The following CFAP47 variants were observed in gnomAD, a reference collection of about 807,000 sequenced individuals.
CFAP47 encodes cilia- and flagella-associated protein 47.
A neutral mutation model predicts 148.1 loss-of-function variants in CFAP47; 29 were observed. That is an observed-to-expected ratio of 0.20 (90% CI 0.15 to 0.27). The LOEUF (loss-of-function observed/expected upper bound fraction) is 0.27, where lower values mean the gene tolerates loss of function less well. CFAP47 is among the 10% of genes least tolerant of loss of function. The pLI is 1.00. For synonymous variants in CFAP47, 664 were observed against 577.3 expected (o/e 1.15, Z -2.15); for missense variants, 1,872 against 1,697.5 (o/e 1.10, Z -1.81).
intron 30 of CFAP47, among the ~76,000 whole-genome samples, chrX:36,087,206 A>C (rs1388850743): frequency 6.2e-5 from 7 of 112,399 alleles, no homozygotes; most frequent in Non-Finnish European, 3.8e-5. Flanking sequence ...CAAATGAAAA[A>C]TATAAATATT....
intron 45 of CFAP47, among the ~76,000 whole-genome samples, chrX:36,218,258 T>C (rs931385235): frequency 8.9e-6 from 1 of 112,486 alleles, no homozygotes; most frequent in Admixed American, 9.4e-5. Context: ...AGGGGTTAAT[T>C]AGAAAGTGAA....
chrX:36,132,969 C>T (rs5972019), intron 33 of CFAP47, among the ~76,000 whole-genome samples: 6,563 of 111,334 alleles, frequency 0.059, 514 homozygotes, highest in African/African-American at 0.2. Context: ...TTTTCTTGAA[C>T]CTTAACATAA....
chrX:36,057,913 T>A (rs1016093650), intron 26 of CFAP47, among the ~76,000 whole-genome samples: 2 of 111,648 alleles, frequency 1.8e-5, no homozygotes, highest in African/African-American at 6.5e-5. Flanking sequence ...TCCAGTAGTT[T>A]GCTGGGCATG....
intron 26 of CFAP47, among the ~76,000 whole-genome samples, 195 bp from the exon 27 acceptor site, chrX:36,065,444 ACTAT>A (rs765541395): frequency 5.4e-5 from 6 of 112,145 alleles, no homozygotes; most frequent in African/African-American, 9.7e-5. Context: ...TGAAATTTAT[ACTAT>A]CTATTAAAAT....
At chrX:36,365,595 T>C (rs1602128651) in intron 61 of CFAP47, 2 of 110,761 alleles carry the variant, frequency 1.8e-5, no homozygotes, top group Admixed American at 1.9e-4. Context: ...TGAAGACTAG[T>C]ACCCAATAGT....
At chrX:36,015,841 G>C (rs1184823697) in intron 22 of CFAP47, among the ~76,000 whole-genome samples, 2 of 111,894 alleles carry the variant, frequency 1.8e-5, no homozygotes, top group Non-Finnish European at 3.8e-5. Flanking sequence ...ATTGGAAAAT[G>C]TAGAAGCAAA....
intron 37 of CFAP47, among the ~76,000 whole-genome samples, chrX:36,155,827 G>A (rs1463929200): frequency 2.7e-5 from 3 of 111,125 alleles, no homozygotes; most frequent in Non-Finnish European, 5.7e-5. Context: ...GCCTCAATTT[G>A]GAGTACTGGT....
At chrX:36,261,739 C>G (rs1556000139) in intron 49 of CFAP47, among the ~76,000 whole-genome samples, 1 of 111,212 alleles carries the variant, frequency 9.0e-6, no homozygotes, top group African/African-American at 3.3e-5. Flanking sequence ...TACACAGACA[C>G]AGCAACAATC....
At chrX:36,356,639 A>G (rs1556018497) in intron 60 of CFAP47, among the ~76,000 whole-genome samples, 2 of 111,010 alleles carry the variant, frequency 1.8e-5, no homozygotes, top group Admixed American at 1.9e-4. Context: ...AGTCTTTAGT[A>G]TATGCAAAAG....
At chrX:36,112,190 A>G (rs745854410) in intron 33 of CFAP47, among the ~76,000 whole-genome samples, 5 of 111,434 alleles carry the variant, frequency 4.5e-5, no homozygotes, top group Admixed American at 2.9e-4. Flanking sequence ...TTTAATTGTC[A>G]TGTTAGGTGG....
intron 30 of CFAP47, among the ~76,000 whole-genome samples, chrX:36,098,150 A>G (rs757052668): frequency 7.2e-5 from 8 of 111,821 alleles, no homozygotes; most frequent in African/African-American, 2.3e-4. Flanking sequence ...TTCCTACTTG[A>G]TTTTTTTAAA....
At chrX:36,345,035 A>G (rs1451775821) in intron 57 of CFAP47, among the ~76,000 whole-genome samples, 2 of 111,992 alleles carry the variant, frequency 1.8e-5, no homozygotes, top group African/African-American at 6.5e-5. Context: ...ACCACAATAA[A>G]AATATTAGTC....
chrX:36,065,954 A>G (rs1294843867), intron 27 of CFAP47, among the ~76,000 whole-genome samples: 3 of 112,479 alleles, frequency 2.7e-5, no homozygotes, highest in Non-Finnish European at 5.6e-5. Context: ...GCAAAAGACA[A>G]TATAGCAGAA....
chrX:36,200,260 T>G (rs915462876), intron 42 of CFAP47, 119 bp from the exon 43 acceptor site: 1 of 280,591 alleles, frequency 3.6e-6, no homozygotes, highest in African/African-American at 2.8e-5. Flanking sequence ...TAGGCTGTGT[T>G]GCTTATAAAA....
chrX:36,057,164 C>T (rs1937561286), intron 26 of CFAP47, among the ~76,000 whole-genome samples: 1 of 111,683 alleles, frequency 9.0e-6, no homozygotes, highest in Admixed American at 9.6e-5. Context: ...TCCATACACT[C>T]ATATTGCAGT....
At chrX:36,095,515 C>T (rs1281066991) in intron 30 of CFAP47, among the ~76,000 whole-genome samples, 1 of 111,000 alleles carries the variant, frequency 9.0e-6, no homozygotes, top group African/African-American at 3.3e-5. Flanking sequence ...TGGTCCTGGG[C>T]TTTTCTTTAT....
At position 35,948,403 on chromosome X, in the gene CFAP47, A is replaced by C; in HGVS notation, c.607A>C (p.Lys203Gln). ...IVDAKSSMVI[K>Q]VDFCADQPRI... ...GGATGCTAAGTCATCAATGGTTATTAAAGTAGATTTCTGTGCAGACCAGCC... is the reference window on the plus strand; with the variant it reads ...GGATGCTAAGTCATCAATGGTTATTCAAGTAGATTTCTGTGCAGACCAGCC... Residue 203 changes from lysine to glutamine, a missense_variant, in exon 4 of 64, where the codon AAA (lysine) becomes CAA (glutamine). Transcript: ENST00000378653. 7 of 1,204,254 alleles carry C rather than the reference A, an allele frequency of 5.8e-6. No individual in the cohort carries two copies. Among genetic ancestry groups the C allele is most frequent in the Non-Finnish European group, 6.8e-6 (6 of 888,597 alleles).
chrX:36,101,156 G>A (rs1487137379), intron 32 of CFAP47, among the ~76,000 whole-genome samples: 2 of 111,973 alleles, frequency 1.8e-5, no homozygotes, highest in Non-Finnish European at 3.8e-5. Context: ...CTGGAAATAT[G>A]ATCCTTTGCA....
intron 39 of CFAP47, among the ~76,000 whole-genome samples, chrX:36,172,167 G>C (rs2146858848): frequency 9.8e-6 from 1 of 101,534 alleles, no homozygotes; most frequent in Non-Finnish European, 2.0e-5. Flanking sequence ...AGACTTTGCT[G>C]AAGTTGCTTA....
Sources: allele counts gnomAD v4.1 joint callset (sites outside exome capture counted in the v4.1 genomes callset), GRCh38; gene constraint gnomAD v4.1.1; transcripts MANE v1.5; gene names NCBI Gene and HGNC (gene_info 2026-07-23, HGNC 2026-07-21).